Variants in KIAA0930 observed in about 807,000 individuals in gnomAD.
KIAA0930 encodes the protein uncharacterized protein KIAA0930.
KIAA0930 carries 24 observed loss-of-function variants against 43.9 expected under a neutral mutation model. The observed-to-expected ratio is 0.55, with a 90% CI of 0.40 to 0.77. KIAA0930 has a LOEUF of 0.77. Among genes scored for constraint, KIAA0930 ranks in the 30% least tolerant of loss-of-function variants. The pLI is 0.00. For missense variants in KIAA0930, 461 were observed against 574.2 expected, an observed-to-expected ratio of 0.80 and a Z score of 2.02; for synonymous variants, 259 against 216.4, an observed-to-expected ratio of 1.20 and a Z score of -1.73.
rs765632951 is a variant in KIAA0930, at chr22:45,203,979, T to C, written c.523A>G (p.Ser175Gly). 3.7e-6 allele frequency: 6 copies of C among 1,613,920 alleles called. 1 individual carries two copies. The South Asian group carries it at 5.5e-5, about 15-fold the overall frequency. Residue 175 changes from serine to glycine, a missense_variant, in exon 6 of 10, where the codon AGC (serine) becomes GGC (glycine). Coordinates refer to ENST00000336156, the MANE Select transcript of KIAA0930 (RefSeq NM_001009880.2). ...FMIDSFEEVF[S>G]DMTVGEGEMV... ...TCTCCTTCCCCTACGGTCATGTCGC[T>C]GAACACCTGGGCCAGGACACAAAGA...
At chr22:45,227,770 T>C (rs917995874) in intron 1 of KIAA0930, among the ~76,000 whole-genome samples, 3 of 152,254 alleles carry the variant, frequency 2.0e-5, no homozygotes, top group South Asian at 2.1e-4. Flanking sequence ...CGCAGAGCCT[T>C]CTTCTTGTCG....
intron 7 of KIAA0930, chr22:45,201,079 C>T: frequency 2.1e-6 from 1 of 478,598 alleles, no homozygotes; most frequent in Admixed American, 2.2e-5. Flanking sequence ...GGAGCCCCGT[C>T]AGCCTCCTCG....
chr22:45,240,543 C>G, intron 1 of KIAA0930, 97 bp downstream of exon 1: 1 of 831,052 alleles, frequency 1.2e-6, no homozygotes. Flanking sequence ...CGCGCAGAGA[C>G]AGAGATGCGC....
At chr22:45,212,967 C>T (rs1219790302) in intron 1 of KIAA0930, among the ~76,000 whole-genome samples, 1 of 152,128 alleles carries the variant, frequency 6.6e-6, no homozygotes, top group Non-Finnish European at 1.5e-5. Context: ...GCCAAGCTCT[C>T]TCTTATCAAC....
intron 2 of KIAA0930, among the ~76,000 whole-genome samples, chr22:45,207,181 C>G (rs1355072817): frequency 7.6e-6 from 1 of 131,964 alleles, no homozygotes. Context: ...TAATTTTTTT[C>G]TGTATTTTTA....
At chr22:45,218,317 C>T (rs891846900) in intron 1 of KIAA0930, among the ~76,000 whole-genome samples, 1 of 149,352 alleles carries the variant, frequency 6.7e-6, no homozygotes, top group Non-Finnish European at 1.5e-5. Context: ...ACCATCACAC[C>T]CAGCTAATTT....
intron 1 of KIAA0930, among the ~76,000 whole-genome samples, chr22:45,233,337 C>T (rs911653752): frequency 6.6e-6 from 1 of 152,004 alleles, no homozygotes; most frequent in African/African-American, 2.4e-5. Flanking sequence ...CTGAGGCAGG[C>T]GAGGTGTTCT....
chr22:45,212,131 G>C, intron 1 of KIAA0930, 24 bp from the exon 2 acceptor site: 1 of 1,613,756 alleles, frequency 6.2e-7, no homozygotes, highest in South Asian at 1.1e-5. Context: ...CCAGACAGGA[G>C]TGAGGAAGGA....
intron 1 of KIAA0930, among the ~76,000 whole-genome samples, chr22:45,240,327 A>G (rs2083909129): frequency 6.6e-6 from 1 of 152,264 alleles, no homozygotes; most frequent in Admixed American, 6.5e-5. Flanking sequence ...AGAAGGAAGA[A>G]GACCCGCAGA....
At chr22:45,213,179 G>T in intron 1 of KIAA0930, 1 of 623,352 alleles carries the variant, frequency 1.6e-6, no homozygotes, top group Non-Finnish European at 2.4e-6. Flanking sequence ...TGAGTCAAAT[G>T]CAGAACACCC....
intron 1 of KIAA0930, among the ~76,000 whole-genome samples, chr22:45,213,670 T>G (rs937022323): frequency 5.3e-5 from 8 of 152,236 alleles, no homozygotes; most frequent in African/African-American, 1.9e-4. Context: ...CACTTTTGGT[T>G]CCCTCTTAGA....
rs1419330326 is a variant in KIAA0930 at position 45,193,173 on chromosome 22, G to A, written c.*4003C>T. 2 of 152,226 alleles carry A rather than the reference G, an allele frequency of 1.3e-5. No homozygotes were observed. Among genetic ancestry groups the A allele is most frequent in the Non-Finnish European group, 2.9e-5 (2 of 68,046 alleles). 9.4% of individuals were successfully genotyped at this position (152,226 alleles called of 1,614,324 possible). On this transcript the variant is annotated 3_prime_UTR_variant, in exon 10 of 10. Coordinates refer to ENST00000336156, the MANE Select transcript of KIAA0930 (RefSeq NM_001009880.2). ...TTTCTGATACAGACTAGAGCAAGAG[G>A]ACAGGAAGAACCAGTGGGCTGTCAA...
chr22:45,212,891 C>A (rs926024070), intron 1 of KIAA0930, among the ~76,000 whole-genome samples: 1 of 152,196 alleles, frequency 6.6e-6, no homozygotes, highest in Non-Finnish European at 1.5e-5. Flanking sequence ...ACCACGGGCA[C>A]ACAGCAGGAT....
intron 1 of KIAA0930, among the ~76,000 whole-genome samples, chr22:45,223,495 T>C (rs1343671645): frequency 6.6e-6 from 1 of 152,170 alleles, no homozygotes; most frequent in Non-Finnish European, 1.5e-5. Flanking sequence ...CAATGGTATC[T>C]ACCTCCTGGG....
At chr22:45,216,844 G>A (rs967740761) in intron 1 of KIAA0930, among the ~76,000 whole-genome samples, 2 of 152,074 alleles carry the variant, frequency 1.3e-5, no homozygotes, top group Admixed American at 6.6e-5. Context: ...GTAGCACCTC[G>A]GACAGCTCTG....
rs989065183 is a variant in KIAA0930 at position 45,240,483 on chromosome 22, G to A, written c.64+157C>T. On this transcript the variant is annotated intron_variant, in intron 1 of 9. Transcript: ENST00000336156. ...CCAGATGCAGGGACGGTGGGGGGGG[G>A]GCCATGGAGGAAGACAGGGTACCCA... Among the ~76,000 whole-genome samples the A allele has an allele frequency of 8.6e-5, 13 of 151,998 alleles. No homozygotes were observed. The South Asian group carries it at 1.2e-3, about 15-fold the overall frequency.
intron 4 of KIAA0930, 45 bp downstream of exon 4, chr22:45,205,585 T>C (rs752222617): frequency 3.2e-6 from 5 of 1,580,634 alleles, no homozygotes; most frequent in Non-Finnish European, 4.3e-6. Flanking sequence ...ACGCCCAGCC[T>C]GAACTGGCAG....
intron 1 of KIAA0930, among the ~76,000 whole-genome samples, chr22:45,236,875 A>T (rs1158874277): frequency 6.6e-6 from 1 of 152,232 alleles, no homozygotes; most frequent in East Asian, 1.9e-4. Flanking sequence ...CTTAGCCCCA[A>T]ATGCCAGGCA....
intron 1 of KIAA0930, among the ~76,000 whole-genome samples, chr22:45,237,480 G>A (rs944599218): frequency 3.3e-5 from 5 of 152,206 alleles, no homozygotes; most frequent in African/African-American, 1.2e-4. Flanking sequence ...AGAGCTGAGC[G>A]ATGACCCCTG....
Sources: allele counts gnomAD v4.1 joint callset (sites outside exome capture counted in the v4.1 genomes callset), GRCh38; gene constraint gnomAD v4.1.1; transcripts MANE v1.5; gene names NCBI Gene and HGNC (gene_info 2026-07-23, HGNC 2026-07-21).